GRIN2B: variants seen among roughly 807,000 people sequenced by gnomAD.
GRIN2B encodes the protein glutamate receptor ionotropic, NMDA 2B.
In GRIN2B, 5 loss-of-function variants were observed where a neutral mutation model predicts 114.5. The observed-to-expected ratio is 0.04, with a 90% CI of 0.02 to 0.09. GRIN2B has a LOEUF of 0.09. Ranked by LOEUF, GRIN2B falls within the 10% of genes least tolerant of loss-of-function variation. The pLI is 1.00. For missense variants in GRIN2B, 1,108 were observed against 1,943.5 expected (o/e 0.57, Z 8.08); for synonymous variants, 787 against 745.1 (o/e 1.06, Z -0.92).
chr12:13,783,878 T>A (rs1056941261), intron 3 of GRIN2B, among the ~76,000 whole-genome samples: 1 of 152,058 alleles, frequency 6.6e-6, no homozygotes, highest in Non-Finnish European at 1.5e-5. Context: ...GTTTTCAGAA[T>A]TTGCACCTTA....
At chr12:13,712,863 G>C (rs898827915) in intron 4 of GRIN2B, among the ~76,000 whole-genome samples, 1 of 151,762 alleles carries the variant, frequency 6.6e-6, no homozygotes, top group African/African-American at 2.4e-5. Flanking sequence ...ACAGTTCTTG[G>C]AGATAGCTTC....
At chr12:13,917,905 T>C (rs986653955) in intron 2 of GRIN2B, among the ~76,000 whole-genome samples, 1 of 152,192 alleles carries the variant, frequency 6.6e-6, no homozygotes, top group East Asian at 1.9e-4. Context: ...TGTTTTTGTT[T>C]TTGTTTTTAA....
intron 2 of GRIN2B, among the ~76,000 whole-genome samples, chr12:13,918,806 A>G (rs1866774253): frequency 6.6e-6 from 1 of 152,212 alleles, no homozygotes; most frequent in South Asian, 2.1e-4. Context: ...TGGCTTTATC[A>G]AAACAAAGCT....
At chr12:13,792,468 G>T (rs1864337836) in intron 3 of GRIN2B, among the ~76,000 whole-genome samples, 1 of 152,208 alleles carries the variant, frequency 6.6e-6, no homozygotes, top group South Asian at 2.1e-4. Flanking sequence ...AACCAAAGGA[G>T]CTTTTTCATT....
intron 3 of GRIN2B, among the ~76,000 whole-genome samples, chr12:13,822,524 G>A (rs967489595): frequency 6.6e-6 from 1 of 152,094 alleles, no homozygotes; most frequent in Non-Finnish European, 1.5e-5. Context: ...GTAAAGAGAT[G>A]AGGAACAGTT....
chr12:13,637,335 G>T (rs1324924177), intron 5 of GRIN2B, among the ~76,000 whole-genome samples: 1 of 152,106 alleles, frequency 6.6e-6, no homozygotes, highest in African/African-American at 2.4e-5. Flanking sequence ...ACCTCCATTG[G>T]TTATTATGCT....
chr12:13,594,752 C>G (rs947078719), intron 10 of GRIN2B, among the ~76,000 whole-genome samples: 4 of 151,394 alleles, frequency 2.6e-5, no homozygotes, highest in African/African-American at 7.3e-5. Flanking sequence ...CTTGTCTAGG[C>G]CATCTGTAAC....
At position 13,719,179 on chromosome 12, in the gene GRIN2B, C is replaced by A. The variant is rs180825250; in HGVS notation, c.1010+34138G>T. Among the ~76,000 whole-genome samples the A allele has an allele frequency of 5.5e-3, 831 of 152,160 alleles. 8 individuals are homozygous for A. The highest frequency in any genetic ancestry group is 7.2e-3 in the Non-Finnish European group (491 of 67,962). On this transcript the variant is annotated intron_variant, in intron 4 of 13. Coordinates refer to ENST00000609686, the MANE Select transcript of GRIN2B (RefSeq NM_000834.5). Reference sequence around the variant, plus strand: ...GTATCCAACAGAGTAGACTGCCACTCCCGCAAGCTCACCACCACTACTTTC... The same window carrying A: ...GTATCCAACAGAGTAGACTGCCACTACCGCAAGCTCACCACCACTACTTTC...
chr12:13,791,638 CT>C (rs1279530948), intron 3 of GRIN2B, among the ~76,000 whole-genome samples: 1 of 151,974 alleles, frequency 6.6e-6, no homozygotes, highest in African/African-American at 2.4e-5. Context: ...AGCTTTTTCA[CT>C]TTCTCAATAG....
intron 4 of GRIN2B, among the ~76,000 whole-genome samples, chr12:13,744,879 T>C (rs1863350018): frequency 6.6e-6 from 1 of 152,130 alleles, no homozygotes; most frequent in South Asian, 2.1e-4. Context: ...TCTTGCTAGC[T>C]CCTGCCACAT....
intron 2 of GRIN2B, among the ~76,000 whole-genome samples, chr12:13,888,486 C>A (rs1213251044): frequency 6.6e-6 from 1 of 150,692 alleles, no homozygotes; most frequent in Non-Finnish European, 1.5e-5. Context: ...GTAATCCCAG[C>A]ACTTTGGGAG....
chr12:13,815,998 G>A (rs552547601), intron 3 of GRIN2B, among the ~76,000 whole-genome samples: 109 of 152,278 alleles, frequency 7.2e-4, no homozygotes, highest in African/African-American at 2.6e-3. Flanking sequence ...CCTCAGGTAT[G>A]AAATGATGCC....
chr12:13,724,189 G>A (rs532163439), intron 4 of GRIN2B, among the ~76,000 whole-genome samples: 1 of 152,132 alleles, frequency 6.6e-6, no homozygotes, highest in Non-Finnish European at 1.5e-5. Context: ...CCATCTCTCT[G>A]TAGTCCCTAC....
intron 2 of GRIN2B, among the ~76,000 whole-genome samples, chr12:13,922,124 A>G (rs1486504539): frequency 4.6e-5 from 7 of 152,156 alleles, no homozygotes; most frequent in African/African-American, 1.7e-4. Context: ...CCTATATAAT[A>G]TTTATCATTA....
At chr12:13,932,813 TAA>T (rs1867057639) in intron 2 of GRIN2B, among the ~76,000 whole-genome samples, 1 of 152,206 alleles carries the variant, frequency 6.6e-6, no homozygotes, top group African/African-American at 2.4e-5. Context: ...AGCCAACCCT[TAA>T]CCACAAAAGC....
chr12:13,904,217 TTCTC>T (rs892629797), intron 2 of GRIN2B, among the ~76,000 whole-genome samples: 6 of 152,046 alleles, frequency 3.9e-5, no homozygotes, highest in African/African-American at 7.2e-5. Flanking sequence ...TTCTTCTTCT[TTCTC>T]TCTTTCTTTC....
At chr12:13,736,135 C>CCA (rs1221798195) in intron 4 of GRIN2B, among the ~76,000 whole-genome samples, 1 of 3,760 alleles carries the variant, frequency 2.7e-4, no homozygotes, top group Admixed American at 3.2e-3. Context: ...CATAGAAAAG[C>CCA]GGGGGGGGGG....
chr12:13,562,750 C>T lies in GRIN2B; in HGVS notation c.*33G>A, dbSNP rs1948562395. On this transcript the variant is annotated 3_prime_UTR_variant, in exon 14 of 14. Transcript: ENST00000609686. ...ATCACGCGACCCACAGCCTTACCCTCCCGTACCCACCTTAACCTCTCTGTT... is the reference window on the plus strand; with the variant it reads ...ATCACGCGACCCACAGCCTTACCCTTCCGTACCCACCTTAACCTCTCTGTT... 1.3e-6 allele frequency: 2 copies of T among 1,583,888 alleles called. No homozygotes were observed. Among genetic ancestry groups the T allele is most frequent in the African/African-American group, 1.3e-5 (1 of 74,448 alleles).
intron 10 of GRIN2B, among the ~76,000 whole-genome samples, chr12:13,591,285 G>A (rs960718966): frequency 2.6e-5 from 4 of 152,152 alleles, no homozygotes; most frequent in African/African-American, 9.7e-5. Context: ...TGGCTTTCAG[G>A]GCACATGTTA....
Sources: allele counts gnomAD v4.1 joint callset (sites outside exome capture counted in the v4.1 genomes callset), GRCh38; gene constraint gnomAD v4.1.1; transcripts MANE v1.5; gene names NCBI Gene and HGNC (gene_info 2026-07-23, HGNC 2026-07-21).